MEP1A: variants seen among roughly 807,000 people sequenced by gnomAD.
MEP1A encodes meprin A subunit alpha.
MEP1A carries 68 observed loss-of-function variants against 84.5 expected under a neutral mutation model. That is an observed-to-expected ratio of 0.80 (90% CI 0.66 to 0.98). The LOEUF is 0.98. Ranked by LOEUF, MEP1A falls within the 50% of genes least tolerant of loss-of-function variation. MEP1A has a pLI of 0.00. For missense variants in MEP1A, 887 were observed against 919.9 expected, an observed-to-expected ratio of 0.96 and a Z score of 0.46; for synonymous variants, 337 against 336.8, an observed-to-expected ratio of 1.00 and a Z score of -0.01.
At chr6:46,807,947 T>G (rs1767404124) in intron 5 of MEP1A, among the ~76,000 whole-genome samples, 1 of 152,012 alleles carries the variant, frequency 6.6e-6, no homozygotes, top group Admixed American at 6.6e-5. Flanking sequence ...CTGTTTCCAT[T>G]TATCCCAATA....
Position 46,836,946 on chromosome 6 carries a change from C to T in MEP1A, c.2084+1397C>T, listed in dbSNP as rs560079281. 4.6e-5 allele frequency among the ~76,000 whole-genome samples: 7 copies of T among 152,108 alleles called. No individual in the cohort carries two copies. In the South Asian group the frequency reaches 1.5e-3, roughly 32 times the overall value. The stretch of plus-strand genomic sequence containing the variant: ...ACATGTCATTACTGGTGATGTCAAC[C>T]TTCATTATCTGGCCAACAGCATGTC... On this transcript the variant is annotated intron_variant, in intron 13 of 13. Transcript: ENST00000230588.
chr6:46,838,921 C>G (rs745324843), intron 13 of MEP1A, 59 bp from the exon 14 acceptor site: 83 of 1,468,792 alleles, frequency 5.7e-5, no homozygotes, highest in Non-Finnish European at 7.6e-5. Context: ...ATGAGTGTTG[C>G]TAGGAGGCAC....
Position 46,835,410 on chromosome 6 carries a change from A to G in MEP1A, c.1945A>G (p.Ser649Gly), listed in dbSNP as rs1162612342. 1 of 1,612,146 alleles carries G rather than the reference A, an allele frequency of 6.2e-7. No individual in the cohort carries two copies. The highest frequency in any genetic ancestry group is 8.5e-7 in the Non-Finnish European group (1 of 1,179,188). The part of the protein sequence containing the change: ...LPVSLSQGQP[S>G]RQKRSVENTG... Reference sequence around the variant, plus strand: ...TGTCAGCCTGAGCCAGGGGCAGCCCAGCCGACAGAAGCGGTCGGTGGAGAA... The same window carrying G: ...TGTCAGCCTGAGCCAGGGGCAGCCCGGCCGACAGAAGCGGTCGGTGGAGAA... The change falls in exon 13 of 14, where the codon AGC becomes GGC. Residue 649 changes from serine to glycine, a missense_variant. Ser to Gly is a moderately conservative substitution (Grantham distance 56). Coordinates refer to ENST00000230588, the MANE Select transcript of MEP1A (RefSeq NM_005588.3).
Position 46,833,411 on chromosome 6 carries a change from T to C in MEP1A, c.1482T>C (p.Asp494=), listed in dbSNP as rs760426543. 5.0e-6 allele frequency: 8 copies of C among 1,614,204 alleles called. No individual in the cohort carries two copies. Among genetic ancestry groups the C allele is most frequent in the South Asian group, 2.2e-5 (2 of 91,078 alleles). Residue 494 remains aspartate (D), a synonymous_variant, in exon 11 of 14, where the codon GAT becomes GAC. Transcript: ENST00000230588. Reference sequence around the variant, plus strand: ...TTCATGTGTGCAGTGGGGAGAACGATGCTATCCTGGAGTGGCCGGTAGAAA... The same window carrying C: ...TTCATGTGTGCAGTGGGGAGAACGACGCTATCCTGGAGTGGCCGGTAGAAA... ...LAFHVCSGEN[D]AILEWPVENR...
intron 6 of MEP1A, among the ~76,000 whole-genome samples, chr6:46,815,694 G>C (rs1051057574): frequency 6.6e-6 from 1 of 152,142 alleles, no homozygotes; most frequent in Non-Finnish European, 1.5e-5. Flanking sequence ...GCTCTGTCCA[G>C]GCAGCTGCAA....
rs753649133 is a variant in MEP1A, at chr6:46,826,345, A to T, written c.779-9A>T. 1 of 1,580,572 alleles carries T rather than the reference A, an allele frequency of 6.3e-7. No individual in the cohort carries two copies. The highest frequency in any genetic ancestry group is 8.6e-7 in the Non-Finnish European group (1 of 1,163,824). ...ATTTTTAACCAGATGATAAAAATAT[A>T]ATTTGCAGCCACAACTCACACTCTT... On this transcript the variant is annotated splice_polypyrimidine_tract_variant and intron_variant, in intron 8 of 13. Coordinates refer to ENST00000230588, the MANE Select transcript of MEP1A (RefSeq NM_005588.3).
chr6:46,828,260 G>A (rs1480729735), intron 9 of MEP1A, among the ~76,000 whole-genome samples: 2 of 149,304 alleles, frequency 1.3e-5, no homozygotes, highest in African/African-American at 5.0e-5. Context: ...TCTAACCCAG[G>A]CATTCAATAT....
At chr6:46,809,837 ATT>A (rs908829060) in intron 6 of MEP1A, among the ~76,000 whole-genome samples, 1 of 58,846 alleles carries the variant, frequency 1.7e-5, no homozygotes, top group Non-Finnish European at 4.0e-5. Context: ...TTTTACATAT[ATT>A]TTTTTTTCTT....
In MEP1A at chr6:46,797,792, C is replaced by CTCTTTCTTTCTTTCTT. The variant is rs552272095; in HGVS notation, c.146-782_146-767dup. 1.2e-3 allele frequency among the ~76,000 whole-genome samples: 168 copies of CTCTTTCTTTCTTTCTT among 136,784 alleles called. 3 individuals are homozygous for CTCTTTCTTTCTTTCTT. The highest frequency in any genetic ancestry group is 9.6e-3 in the East Asian group (44 of 4,578). 89.7% of individuals were successfully genotyped at this position (136,784 alleles called of 152,430 possible). A position where few individuals can be genotyped will look rare whatever the true frequency, so the allele number is the denominator to read the frequency against. On this transcript the variant is annotated intron_variant, in intron 3 of 13. Transcript: ENST00000230588. The stretch of plus-strand genomic sequence containing the variant: ...TTTCTTTTTCTTTCTTTCTTTCTTT[C>CTCTTTCTTTCTTTCTT]TCTTTCTTTCTTTCTTTCTTTCTTT...
chr6:46,838,873 C>T, intron 13 of MEP1A, 107 bp from the exon 14 acceptor site: 2 of 933,888 alleles, frequency 2.1e-6, no homozygotes, highest in South Asian at 3.3e-5. Context: ...CCACGTGGAC[C>T]TGCTCAGTGA....
At chr6:46,818,984 G>GGGTGTGGTGGCACATA (rs57519374) in intron 6 of MEP1A, among the ~76,000 whole-genome samples, 1 of 152,098 alleles carries the variant, frequency 6.6e-6, no homozygotes, top group African/African-American at 2.4e-5. Context: ...AACATTATCT[G>GGGTGTGGTGGCACATA]CCTGTGGTTC....
intron 6 of MEP1A, among the ~76,000 whole-genome samples, chr6:46,811,135 T>C (rs1758140254): frequency 1.3e-5 from 2 of 152,184 alleles, no homozygotes; most frequent in African/African-American, 4.8e-5. Context: ...GTGTCATCTA[T>C]GATTTCTTTC....
At chr6:46,819,803 T>G in intron 7 of MEP1A, 99 bp downstream of exon 7, 4 of 1,273,814 alleles carry the variant, frequency 3.1e-6, no homozygotes, top group Non-Finnish European at 4.4e-6. Context: ...TCAGCCTCTC[T>G]AGTGGGAAGA....
chr6:46,833,755 C>T (rs577536366), intron 11 of MEP1A, among the ~76,000 whole-genome samples: 1 of 152,264 alleles, frequency 6.6e-6, no homozygotes, highest in South Asian at 2.1e-4. Context: ...TGAGGGCTTA[C>T]CATGTGCCAA....
chr6:46,821,947 T>A (rs1767787504), intron 7 of MEP1A, among the ~76,000 whole-genome samples: 1 of 152,194 alleles, frequency 6.6e-6, no homozygotes, highest in Admixed American at 6.5e-5. Flanking sequence ...AATTTGTGAG[T>A]TTTATTGATT....
At chr6:46,830,035 G>T (rs1371000004) in intron 10 of MEP1A, among the ~76,000 whole-genome samples, 1 of 151,956 alleles carries the variant, frequency 6.6e-6, no homozygotes, top group African/African-American at 2.4e-5. Flanking sequence ...GGATCACAAG[G>T]TCAGGAGATT....
At chr6:46,821,212 T>C (rs747583003) in intron 7 of MEP1A, among the ~76,000 whole-genome samples, 7 of 152,190 alleles carry the variant, frequency 4.6e-5, no homozygotes, top group Non-Finnish European at 1.0e-4. Flanking sequence ...CAGTCTCTTA[T>C]ATTCTGGTAA....
intron 7 of MEP1A, among the ~76,000 whole-genome samples, chr6:46,823,257 T>C (rs1412089754): frequency 2.0e-5 from 3 of 152,200 alleles, no homozygotes; most frequent in Non-Finnish European, 4.4e-5. Flanking sequence ...ACCACACTTC[T>C]GCAGTCCTGC....
chr6:46,839,056 A>T lies in MEP1A; in HGVS notation c.2161A>T (p.Met721Leu). 1 of 1,613,814 alleles carries T rather than the reference A, an allele frequency of 6.2e-7. No homozygotes were observed. The highest frequency in any genetic ancestry group is 8.5e-7 in the Non-Finnish European group (1 of 1,179,810). ...GCAGGTGCACGGCAGTGTCCTGGGC[A>T]TGGTGATCGGAGGCACGGCTGGCGT... ...AVQVHGSVLG[M>L]VIGGTAGVIF... Residue 721 changes from methionine to leucine, a missense_variant, in exon 14 of 14, where the codon ATG (methionine) becomes TTG (leucine). Transcript: ENST00000230588.
Sources: allele counts gnomAD v4.1 joint callset (sites outside exome capture counted in the v4.1 genomes callset), GRCh38; gene constraint gnomAD v4.1.1; transcripts MANE v1.5; gene names NCBI Gene and HGNC (gene_info 2026-07-23, HGNC 2026-07-21).